The following LIN54 variants were observed in gnomAD, a reference collection of about 807,000 sequenced individuals.
LIN54 encodes lin-54 DREAM MuvB core complex component.
LIN54 carries 9 observed loss-of-function variants against 78.7 expected under a neutral mutation model. The observed-to-expected ratio is 0.11, with a 90% CI of 0.07 to 0.20. The LOEUF (loss-of-function observed/expected upper bound fraction) is 0.20. Ranked by LOEUF, LIN54 falls within the 10% of genes least tolerant of loss-of-function variation. The pLI is 1.00. For synonymous variants in LIN54, 269 were observed against 318.4 expected (o/e 0.84, Z 1.65); for missense variants, 573 against 889.9 (o/e 0.64, Z 4.53).
At chr4:82,952,173 CAG>C (rs929529181) in intron 4 of LIN54, among the ~76,000 whole-genome samples, 21 of 152,100 alleles carry the variant, frequency 1.4e-4, no homozygotes, top group African/African-American at 5.1e-4. Flanking sequence ...ACACTATCAA[CAG>C]AGTAAAAAGG....
intron 4 of LIN54, among the ~76,000 whole-genome samples, chr4:82,951,103 G>C (rs536490565): frequency 1.3e-5 from 2 of 152,138 alleles, no homozygotes; most frequent in East Asian, 3.9e-4. Context: ...CCAAATTGTA[G>C]GTTATTAAAA....
chr4:82,975,847 G>C (rs531889507), intron 3 of LIN54, among the ~76,000 whole-genome samples: 11 of 152,132 alleles, frequency 7.2e-5, no homozygotes, highest in Non-Finnish European at 1.3e-4. Context: ...CTCAAAGCCA[G>C]TGTGAAATTT....
At chr4:82,959,033 C>G (rs1724577318) in intron 4 of LIN54, among the ~76,000 whole-genome samples, 1 of 151,736 alleles carries the variant, frequency 6.6e-6, no homozygotes, top group Non-Finnish European at 1.5e-5. Context: ...TAAAATAAAC[C>G]ATTCTCTAAT....
At chr4:82,949,758 T>C (rs1723703919) in intron 4 of LIN54, among the ~76,000 whole-genome samples, 1 of 152,170 alleles carries the variant, frequency 6.6e-6, no homozygotes, top group South Asian at 2.1e-4. Flanking sequence ...CAAATGTCTT[T>C]TCCTCAATCC....
At position 82,997,628 on chromosome 4, in the gene LIN54, T is replaced by G. The variant is rs759925254; in HGVS notation, c.-32-12752A>C. Among the ~76,000 whole-genome samples, 19 of 151,952 alleles carry G rather than the reference T, an allele frequency of 1.3e-4. 1 individual carries two copies. The highest frequency in any genetic ancestry group is 8.8e-5 in the Non-Finnish European group (6 of 67,986). On this transcript the variant is annotated intron_variant, in intron 1 of 12. Transcript: ENST00000340417. ...AGGATTTTGGAGGCAGGGAGACCAG[T>G]TGGAAGGCTATTGTAGTAATTAGTT...
In LIN54 at chr4:82,927,947, C is replaced by T; in HGVS notation, c.*155G>A. On this transcript the variant is annotated 3_prime_UTR_variant, in exon 13 of 13. Coordinates refer to ENST00000340417, the MANE Select transcript of LIN54 (RefSeq NM_194282.4). ...AAGATTTAAAATGTACTAATTTCCTCATTTAAAATTTCTTCTCCTTCAGTA... is the reference window on the plus strand; with the variant it reads ...AAGATTTAAAATGTACTAATTTCCTTATTTAAAATTTCTTCTCCTTCAGTA... The T allele has an allele frequency of 1.6e-6, 1 of 628,144 alleles. No homozygotes were observed. Among genetic ancestry groups the T allele is most frequent in the East Asian group, 2.7e-5 (1 of 36,420 alleles). 38.9% of individuals were successfully genotyped at this position (628,144 alleles called of 1,614,324 possible).
intron 4 of LIN54, among the ~76,000 whole-genome samples, chr4:82,958,365 A>G (rs1724508878): frequency 6.6e-6 from 1 of 152,186 alleles, no homozygotes; most frequent in Admixed American, 6.6e-5. Context: ...GGGCCATGCA[A>G]CTGAGTTTTA....
chr4:83,011,960 G>A (rs1425585160), upstream of LIN54: 1 of 902,778 alleles, frequency 1.1e-6, no homozygotes, highest in Non-Finnish European at 1.3e-6. Context: ...TACTGTCTAA[G>A]TTAGTGTAGG....
At chr4:82,985,804 G>A (rs1476807817) in intron 1 of LIN54, among the ~76,000 whole-genome samples, 2 of 152,158 alleles carry the variant, frequency 1.3e-5, no homozygotes, top group African/African-American at 4.8e-5. Flanking sequence ...GCCTCCCAAA[G>A]TACTGGGATT....
intron 1 of LIN54, among the ~76,000 whole-genome samples, chr4:82,989,441 A>C (rs142722929): frequency 6.6e-6 from 1 of 152,312 alleles, no homozygotes; most frequent in African/African-American, 2.4e-5. Context: ...CAACAACAAT[A>C]TACAACAAAG....
At chr4:82,969,979 A>G (rs113365938) in intron 4 of LIN54, among the ~76,000 whole-genome samples, 2 of 152,174 alleles carry the variant, frequency 1.3e-5, no homozygotes, top group African/African-American at 4.8e-5. Flanking sequence ...AATATTTTAT[A>G]TCATAAGTCT....
At chr4:82,949,755 C>A (rs1220346932) in intron 4 of LIN54, among the ~76,000 whole-genome samples, 1 of 151,606 alleles carries the variant, frequency 6.6e-6, no homozygotes, top group Non-Finnish European at 1.5e-5. Context: ...TTGCAAATGT[C>A]TTTTCCTCAA....
At chr4:82,977,377 T>C (rs1324437767) in intron 3 of LIN54, among the ~76,000 whole-genome samples, 1 of 152,226 alleles carries the variant, frequency 6.6e-6, no homozygotes, top group Non-Finnish European at 1.5e-5. Flanking sequence ...AGTATTTTCT[T>C]TGGGGCCCCC....
intron 4 of LIN54, among the ~76,000 whole-genome samples, chr4:82,968,416 C>A (rs1270739499): frequency 6.6e-6 from 1 of 152,044 alleles, no homozygotes; most frequent in Non-Finnish European, 1.5e-5. Flanking sequence ...ATATACCAGT[C>A]AAATTAGTCC....
chr4:82,977,365 C>T (rs1483099086), intron 3 of LIN54, among the ~76,000 whole-genome samples: 1 of 152,188 alleles, frequency 6.6e-6, no homozygotes, highest in African/African-American at 2.4e-5. Context: ...CAAACCCTTT[C>T]CAGTATTTTC....
intron 12 of LIN54, among the ~76,000 whole-genome samples, chr4:82,928,944 G>A (rs1721713876): frequency 6.6e-6 from 1 of 152,236 alleles, no homozygotes; most frequent in South Asian, 2.1e-4. Flanking sequence ...AACCCATCGT[G>A]AGGCTTGCTA....
intron 4 of LIN54, among the ~76,000 whole-genome samples, chr4:82,969,159 T>C (rs923045100): frequency 6.6e-6 from 1 of 152,158 alleles, no homozygotes; most frequent in African/African-American, 2.4e-5. Flanking sequence ...TTTACACCTT[T>C]ATGTAAAGTA....
intron 4 of LIN54, among the ~76,000 whole-genome samples, chr4:82,947,235 A>ATATATATTTT: frequency 0.025 from 1,083 of 44,168 alleles, 44 homozygotes; most frequent in Non-Finnish European, 0.032. Context: ...ATATATATAT[A>ATATATATTTT]TTTTTTTTTT....
chr4:82,928,427 A>AGTTT, intron 12 of LIN54, 124 bp from the exon 13 acceptor site: 3 of 778,936 alleles, frequency 3.9e-6, no homozygotes, highest in Non-Finnish European at 6.5e-6. Context: ...TGAGCATCAC[A>AGTTT]ATTTACACAG....
Sources: allele counts gnomAD v4.1 joint callset (sites outside exome capture counted in the v4.1 genomes callset), GRCh38; gene constraint gnomAD v4.1.1; transcripts MANE v1.5; gene names NCBI Gene and HGNC (gene_info 2026-07-23, HGNC 2026-07-21).